OCA2: variants seen among roughly 807,000 people sequenced by gnomAD.
The protein encoded by OCA2 is OCA2 melanosomal transmembrane protein.
OCA2 carries 77 observed loss-of-function variants against 100.2 expected under a neutral mutation model. The ratio of observed to expected loss-of-function variants is 0.77; its 90% CI spans 0.64 to 0.93. The LOEUF (loss-of-function observed/expected upper bound fraction) is 0.93, where lower values mean the gene tolerates loss of function less well. Among genes scored for constraint, OCA2 ranks in the 40% least tolerant of loss-of-function variants. The probability of loss-of-function intolerance (pLI) is 0.00; values close to 1 mark genes in which losing one functional copy is unlikely to be tolerated. For missense variants in OCA2, 1,062 were observed against 1,089.1 expected, an observed-to-expected ratio of 0.98 and a Z score of 0.35; for synonymous variants, 432 against 439.2, an observed-to-expected ratio of 0.98 and a Z score of 0.21.
chr15:27,892,813 A>T (rs1367264340), intron 19 of OCA2, among the ~76,000 whole-genome samples: 2 of 152,184 alleles, frequency 1.3e-5, no homozygotes, highest in African/African-American at 4.8e-5. Context: ...CAAACTTCTA[A>T]AAAGACTGAC....
chr15:28,029,697 C>T (rs999091762), intron 3 of OCA2, among the ~76,000 whole-genome samples: 1 of 152,182 alleles, frequency 6.6e-6, no homozygotes, highest in African/African-American at 2.4e-5. Flanking sequence ...CACGTTCCTG[C>T]TGTCAACACC....
intron 23 of OCA2, among the ~76,000 whole-genome samples, chr15:27,840,560 C>A (rs893743092): frequency 2.0e-5 from 3 of 152,138 alleles, no homozygotes; most frequent in African/African-American, 7.2e-5. Flanking sequence ...TGGGGAGGGA[C>A]AGCCATCCAG....
the OCA2 span, among the ~76,000 whole-genome samples, chr15:27,719,523 T>C: frequency 6.6e-6 from 1 of 152,156 alleles, no homozygotes; most frequent in Non-Finnish European, 1.5e-5. Flanking sequence ...TGCACGTACA[T>C]GTAGGCACAC....
At chr15:28,091,275 T>C (rs2044865692) in intron 1 of OCA2, among the ~76,000 whole-genome samples, 1 of 152,196 alleles carries the variant, frequency 6.6e-6, no homozygotes, top group African/African-American at 2.4e-5. Context: ...CTATACAATC[T>C]CTTCCAGAAA....
chr15:27,899,930 T>C (rs972006651), intron 19 of OCA2, among the ~76,000 whole-genome samples: 1 of 152,102 alleles, frequency 6.6e-6, no homozygotes, highest in African/African-American at 2.4e-5. Flanking sequence ...TCAGCAATTT[T>C]TGCCCCCTGT....
At chr15:28,004,043 C>A (rs2042013655) in intron 9 of OCA2, among the ~76,000 whole-genome samples, 2 of 152,234 alleles carry the variant, frequency 1.3e-5, no homozygotes, top group Admixed American at 1.3e-4. Flanking sequence ...CCCTGGGCCC[C>A]ACAGGTCTGC....
intron 1 of OCA2, among the ~76,000 whole-genome samples, chr15:28,095,715 C>CAAAAA (rs113766832): frequency 1.0e-5 from 1 of 98,244 alleles, no homozygotes; most frequent in African/African-American, 3.8e-5. Flanking sequence ...GAAACTGTCT[C>CAAAAA]AAAAAAAAAA....
At chr15:27,966,157 G>C (rs573052492) in intron 15 of OCA2, among the ~76,000 whole-genome samples, 1 of 152,310 alleles carries the variant, frequency 6.6e-6, no homozygotes, top group East Asian at 1.9e-4. Context: ...TTTTAGTAGA[G>C]ACGGGGTTTC....
At chr15:27,730,477 G>A in the OCA2 span, among the ~76,000 whole-genome samples, 5 of 152,042 alleles carry the variant, frequency 3.3e-5, no homozygotes, top group Non-Finnish European at 5.9e-5. Context: ...CACTGGGTAG[G>A]CATAATTGAT....
At chr15:27,761,716 T>C (rs2030856030) in intron 23 of OCA2, among the ~76,000 whole-genome samples, 1 of 152,202 alleles carries the variant, frequency 6.6e-6, no homozygotes, top group African/African-American at 2.4e-5. Flanking sequence ...AACATGAAGG[T>C]CTACTATGTA....
chr15:28,095,821 G>C (rs2044966911), intron 1 of OCA2, among the ~76,000 whole-genome samples: 1 of 152,170 alleles, frequency 6.6e-6, no homozygotes, highest in Non-Finnish European at 1.5e-5. Context: ...TGAAAATTTG[G>C]CTGTTGAAAG....
intron 19 of OCA2, among the ~76,000 whole-genome samples, chr15:27,924,664 C>T (rs955535507): frequency 1.3e-5 from 2 of 151,748 alleles, no homozygotes; most frequent in Admixed American, 6.6e-5. Context: ...TAAAATAACT[C>T]AAAAACACAG....
chr15:27,862,073 A>G (rs560574812), intron 21 of OCA2, among the ~76,000 whole-genome samples: 2 of 152,266 alleles, frequency 1.3e-5, no homozygotes, highest in South Asian at 2.1e-4. Context: ...TCAAGTCCTC[A>G]TGGAGAGAAA....
chr15:27,728,907 G>C, the OCA2 span, among the ~76,000 whole-genome samples: 1 of 152,108 alleles, frequency 6.6e-6, no homozygotes, highest in African/African-American at 2.4e-5. Context: ...TTACAACCTG[G>C]AAGGACTGAG....
intron 1 of OCA2, among the ~76,000 whole-genome samples, chr15:28,096,527 GCCT>G (rs1487964004): frequency 6.6e-6 from 1 of 152,216 alleles, no homozygotes; most frequent in Non-Finnish European, 1.5e-5. Context: ...CCAGGGGTCA[GCCT>G]CCTCCTCAGC....
the OCA2 span, among the ~76,000 whole-genome samples, chr15:27,730,732 A>AATATATATATATATATATATAT: frequency 2.0e-5 from 2 of 102,010 alleles, no homozygotes; most frequent in Non-Finnish European, 4.0e-5. Flanking sequence ...AAAAAGACCA[A>AATATATATATATATATATATAT]ATATATATAT....
the OCA2 span, among the ~76,000 whole-genome samples, chr15:27,729,271 G>A: frequency 1.1e-4 from 16 of 148,158 alleles, no homozygotes; most frequent in Non-Finnish European, 5.9e-5. Flanking sequence ...TTCCTCATGG[G>A]CAATGTCATT....
intron 2 of OCA2, among the ~76,000 whole-genome samples, chr15:28,069,433 C>T (rs12593110): frequency 0.034 from 2,274 of 67,002 alleles, 283 homozygotes; most frequent in African/African-American, 0.098. Context: ...CCTCCCCCTC[C>T]CCCTCTCCCC....
intron 23 of OCA2, among the ~76,000 whole-genome samples, chr15:27,761,530 A>C (rs1299989371): frequency 6.6e-6 from 1 of 152,002 alleles, no homozygotes; most frequent in Non-Finnish European, 1.5e-5. Flanking sequence ...TGGAAGACTC[A>C]ACATAGACAA....
Sources: gnomAD v4.1 joint callset for allele counts (sites outside exome capture counted in the v4.1 genomes callset) on GRCh38, gnomAD v4.1.1 for gene constraint, MANE v1.5 for transcripts, NCBI Gene and HGNC (gene_info 2026-07-23, HGNC 2026-07-21) for gene names.